Variants in FAM117A observed in about 807,000 individuals in gnomAD.
FAM117A encodes family with sequence similarity 117 member A.
A neutral mutation model predicts 44.1 loss-of-function variants in FAM117A; 21 were observed. The ratio of observed to expected loss-of-function variants is 0.48; its 90% CI spans 0.34 to 0.69. FAM117A has a LOEUF of 0.69. Ranked by LOEUF, FAM117A falls within the 30% of genes least tolerant of loss-of-function variation. FAM117A has a pLI of 0.01. For missense variants in FAM117A, 498 were observed against 589.9 expected (o/e 0.84, Z 1.61); for synonymous variants, 220 against 238.3 (o/e 0.92, Z 0.71).
intron 2 of FAM117A, among the ~76,000 whole-genome samples, chr17:49,724,170 C>A (rs1251036130): frequency 1.3e-5 from 2 of 152,082 alleles, no homozygotes; most frequent in Non-Finnish European, 2.9e-5. Flanking sequence ...AGGAGGAAGC[C>A]CATCTCTCCC....
At chr17:49,720,277 G>A (rs760218442) in intron 4 of FAM117A, 49 bp downstream of exon 4, 8 of 1,428,758 alleles carry the variant, frequency 5.6e-6, no homozygotes, top group Non-Finnish European at 7.9e-6. Flanking sequence ...ATATAGGGGG[G>A]CCTGCATGGA....
At chr17:49,779,053 G>A (rs1386533516) in intron 1 of FAM117A, among the ~76,000 whole-genome samples, 2 of 152,182 alleles carry the variant, frequency 1.3e-5, no homozygotes, top group African/African-American at 4.8e-5. Flanking sequence ...AAGAGCATGT[G>A]CAAAGGTCCT....
chr17:49,718,622 G>T (rs2143699781), intron 5 of FAM117A, among the ~76,000 whole-genome samples: 1 of 150,910 alleles, frequency 6.6e-6, no homozygotes, highest in South Asian at 2.1e-4. Flanking sequence ...AGTAAGCCCA[G>T]ATCACGCCAC....
intron 1 of FAM117A, among the ~76,000 whole-genome samples, chr17:49,737,107 T>C (rs1281619421): frequency 6.6e-6 from 1 of 152,230 alleles, no homozygotes; most frequent in Non-Finnish European, 1.5e-5. Context: ...CTTGTCTTTT[T>C]TTCTCTCTCT....
intron 1 of FAM117A, among the ~76,000 whole-genome samples, chr17:49,776,637 C>T (rs1466408210): frequency 6.6e-6 from 1 of 152,208 alleles, no homozygotes; most frequent in East Asian, 1.9e-4. Flanking sequence ...TCTCTCCAAG[C>T]TTCCTACTTT....
At chr17:49,787,818 C>T (rs767870021) in intron 1 of FAM117A, among the ~76,000 whole-genome samples, 1 of 152,202 alleles carries the variant, frequency 6.6e-6, no homozygotes, top group Non-Finnish European at 1.5e-5. Context: ...CTTTTGGGGG[C>T]TTCAACTTCA....
In FAM117A at chr17:49,764,074, G is replaced by A; in HGVS notation, c.14C>T (p.Ala5Val). MAGA[A>V]AGGRGGGAWG... ...GGCACCTCCGCCTCTGCCGCCCGCT[G>A]CGGCCCCCGCCATGGCTCTCCCGGC... is the stretch of plus-strand genomic sequence containing the variant. The change falls in exon 1 of 8, where the codon GCA becomes GTA. Residue 5 changes from alanine (A) to valine (V), a missense_variant. Around this residue, in one of 3 missense-constraint regions of FAM117A, gnomAD observed 270 missense variants for 277.4 expected, o/e 0.97. Transcript: ENST00000240364. 7.9e-7 allele frequency: 1 copy of A among 1,261,214 alleles called. No homozygotes were observed. Among genetic ancestry groups the A allele is most frequent in the Non-Finnish European group, 1.0e-6 (1 of 1,000,712 alleles). The allele number at this position is 1,261,214 out of a possible 1,614,324, so 78.1% of individuals were successfully genotyped here. A position where few individuals can be genotyped will look rare whatever the true frequency, so the allele number is the denominator to read the frequency against.
rs376045336 is a variant in FAM117A, at chr17:49,716,257, G to T, written c.969C>A (p.Ala323=). Residue 323 remains alanine, a synonymous_variant, in exon 7 of 8, where the codon GCC becomes GCA. Coordinates refer to ENST00000240364, the MANE Select transcript of FAM117A (RefSeq NM_030802.4). Reference sequence around the variant, plus strand: ...GATTAGGTCGAGGGGAGGCAGCAAAGGCAAGGACTGGAGATGGGCTGCCAT... The same window carrying T: ...GATTAGGTCGAGGGGAGGCAGCAAATGCAAGGACTGGAGATGGGCTGCCAT... ...LEDGSPSPVL[A]FAASPRPNHS... The T allele has an allele frequency of 3.7e-6, 6 of 1,611,980 alleles. No individual in the cohort carries two copies. The African/African-American group carries it at 8.0e-5, about 22-fold the overall frequency.
At chr17:49,719,161 C>T (rs904574987) in intron 5 of FAM117A, among the ~76,000 whole-genome samples, 1 of 150,266 alleles carries the variant, frequency 6.7e-6, no homozygotes, top group African/African-American at 2.5e-5. Context: ...ACTGGGGAGG[C>T]TGAGGCAGAG....
intron 1 of FAM117A, among the ~76,000 whole-genome samples, chr17:49,770,269 CAA>C (rs57966452): frequency 5.3e-4 from 37 of 69,772 alleles, no homozygotes; most frequent in African/African-American, 1.2e-3. Context: ...GACTCTGTAT[CAA>C]AAAAAAAAAA....
At chr17:49,740,392 G>A (rs2073628779) in intron 1 of FAM117A, among the ~76,000 whole-genome samples, 1 of 152,074 alleles carries the variant, frequency 6.6e-6, no homozygotes, top group Admixed American at 6.5e-5. Context: ...TGGGACTACA[G>A]GCGCCCACCA....
At chr17:49,736,641 C>T (rs1004046347) in intron 1 of FAM117A, among the ~76,000 whole-genome samples, 1 of 152,198 alleles carries the variant, frequency 6.6e-6, no homozygotes, top group Non-Finnish European at 1.5e-5. Flanking sequence ...CACTAAATCT[C>T]AGACAAACTA....
chr17:49,787,321 AAAT>A (rs1224517417), intron 1 of FAM117A, among the ~76,000 whole-genome samples: 1 of 152,214 alleles, frequency 6.6e-6, no homozygotes, highest in Non-Finnish European at 1.5e-5. Flanking sequence ...AACCATTTTC[AAAT>A]AAGTTCTTAC....
intron 1 of FAM117A, among the ~76,000 whole-genome samples, chr17:49,762,726 G>A (rs2073726905): frequency 6.6e-6 from 1 of 152,188 alleles, no homozygotes; most frequent in African/African-American, 2.4e-5. Context: ...ATTTGGTAGA[G>A]GCTCCGGCTT....
At chr17:49,747,074 G>A (rs1158635972) in intron 1 of FAM117A, 1 of 151,834 alleles carries the variant, frequency 6.6e-6, no homozygotes, top group East Asian at 1.9e-4. Flanking sequence ...ATAAGAGATG[G>A]CTACTGATCA....
rs769642885 is a variant in FAM117A at position 49,717,720 on chromosome 17, G to A, written c.709-6C>T. 2.0e-5 allele frequency: 32 copies of A among 1,591,662 alleles called. No homozygotes were observed. Among genetic ancestry groups the A allele is most frequent in the Non-Finnish European group, 2.5e-5 (29 of 1,166,716 alleles). On this transcript the variant is annotated splice_polypyrimidine_tract_variant and splice_region_variant and intron_variant, in intron 5 of 7. Coordinates refer to ENST00000240364, the MANE Select transcript of FAM117A (RefSeq NM_030802.4). ...CCATCAGGGATATCAAGGATCTAAC[G>A]GGGAAGGACGGTAAAGACTGTCAGC...
At chr17:49,722,759 C>T (rs1192318683) in intron 2 of FAM117A, among the ~76,000 whole-genome samples, 165 bp from the exon 3 acceptor site, 1 of 152,200 alleles carries the variant, frequency 6.6e-6, no homozygotes, top group Non-Finnish European at 1.5e-5. Context: ...TCTCCACCTG[C>T]ACTCCCTCCT....
intron 1 of FAM117A, among the ~76,000 whole-genome samples, chr17:49,777,559 G>T (rs919564122): frequency 2.0e-5 from 3 of 152,024 alleles, no homozygotes; most frequent in Non-Finnish European, 4.4e-5. Flanking sequence ...AGGCCAAGCA[G>T]CTTAATAGCT....
At chr17:49,758,924 T>C (rs1026677957) in intron 1 of FAM117A, among the ~76,000 whole-genome samples, 3 of 152,214 alleles carry the variant, frequency 2.0e-5, no homozygotes, top group Non-Finnish European at 4.4e-5. Flanking sequence ...GTGGCCCTGA[T>C]GCCCATCACA....
Sources: allele counts gnomAD v4.1 joint callset (sites outside exome capture counted in the v4.1 genomes callset), GRCh38; gene constraint gnomAD v4.1.1; regional missense constraint gnomAD v4.1.1; transcripts MANE v1.5; gene names NCBI Gene and HGNC (gene_info 2026-07-23, HGNC 2026-07-21).